LIMK1: variants seen among roughly 807,000 people sequenced by gnomAD.
LIMK1 encodes LIM motif-containing protein kinase.
LIMK1 carries 21 observed loss-of-function variants against 77.6 expected under a neutral mutation model. The ratio of observed to expected loss-of-function variants is 0.27; its 90% CI spans 0.19 to 0.39. The LOEUF is 0.39. Ranked by LOEUF, LIMK1 falls within the 10% of genes least tolerant of loss-of-function variation. LIMK1 has a pLI of 1.00. For synonymous variants in LIMK1, 358 were observed against 370.0 expected (o/e 0.97, Z 0.37); for missense variants, 696 against 901.6 (o/e 0.77, Z 2.92).
chr7:74,098,279 C>A (rs782368146), intron 4 of LIMK1, among the ~76,000 whole-genome samples: 3 of 152,138 alleles, frequency 2.0e-5, no homozygotes, highest in Non-Finnish European at 4.4e-5. Flanking sequence ...CAAAGATACC[C>A]CATTCCAAGG....
chr7:74,107,658 C>T (rs1432219781), intron 8 of LIMK1, among the ~76,000 whole-genome samples: 7 of 133,050 alleles, frequency 5.3e-5, no homozygotes, highest in Non-Finnish European at 7.9e-5. Context: ...CCAGCCTGGG[C>T]AATAGAGCAA....
chr7:74,108,001 G>T lies in LIMK1; in HGVS notation c.1152+44G>T, dbSNP rs376199939. 2.8e-5 allele frequency: 40 copies of T among 1,407,322 alleles called. No homozygotes were observed. In the African/African-American group the frequency reaches 4.7e-4, roughly 17 times the overall value. 87.2% of individuals were successfully genotyped at this position (1,407,322 alleles called of 1,614,324 possible). ...CTCTTCCCTCCAGAGGGACTTCCAG[G>T]TGCTCACCCCTGCCCCATCAACACA... On this transcript the variant is annotated intron_variant, in intron 9 of 15. Coordinates refer to ENST00000336180, the MANE Select transcript of LIMK1 (RefSeq NM_002314.4).
At chr7:74,086,982 G>A (rs1020989783) in intron 2 of LIMK1, among the ~76,000 whole-genome samples, 5 of 152,168 alleles carry the variant, frequency 3.3e-5, no homozygotes, top group Admixed American at 2.6e-4. Context: ...AGGATAAAGA[G>A]TACATGAGGA....
Position 74,115,769 on chromosome 7 carries a change from G to A in LIMK1, c.1411-33G>A, listed in dbSNP as rs781959328. On this transcript the variant is annotated intron_variant, in intron 12 of 15. Transcript: ENST00000336180. Reference sequence around the variant, plus strand: ...AGGCCAAGCGGGCAGTACTAGGATCGGGTCCCAGCATGACCCGGCTTCACC... The same window carrying A: ...AGGCCAAGCGGGCAGTACTAGGATCAGGTCCCAGCATGACCCGGCTTCACC... The A allele has an allele frequency of 8.7e-6, 14 of 1,608,360 alleles. No homozygotes were observed. In the African/African-American group the frequency reaches 1.1e-4, roughly 12 times the overall value.
At chr7:74,088,499 A>T (rs190472120) in intron 2 of LIMK1, among the ~76,000 whole-genome samples, 15 of 152,202 alleles carry the variant, frequency 9.9e-5, no homozygotes, top group South Asian at 2.1e-4. Context: ...GAATGCCAAG[A>T]TAAGGAGTTT....
chr7:74,093,357 A>G, intron 2 of LIMK1: 1 of 1,532,556 alleles, frequency 6.5e-7, no homozygotes, highest in Non-Finnish European at 8.7e-7. Context: ...CCCTGGTGTA[A>G]GGCCTGGGGC....
At chr7:74,084,096 C>A in intron 1 of LIMK1, 51 bp downstream of exon 1, 1 of 1,084,884 alleles carries the variant, frequency 9.2e-7, no homozygotes, top group East Asian at 3.2e-5. Flanking sequence ...GTGCCCGGGG[C>A]AGCGTGGGGC....
At chr7:74,094,539 G>A (rs1186479243) in intron 2 of LIMK1, among the ~76,000 whole-genome samples, 1 of 151,448 alleles carries the variant, frequency 6.6e-6, no homozygotes, top group Non-Finnish European at 1.5e-5. Context: ...CCCTGTGACC[G>A]AGGTCATGTG....
chr7:74,106,175 C>G lies in LIMK1; in HGVS notation c.813C>G (p.Ser271Arg), dbSNP rs1799570054. Residue 271 changes from serine (S) to arginine (R), a missense_variant, in exon 7 of 16, where the codon AGC (serine) becomes AGG (arginine). This residue lies in a region of LIMK1 where 438 missense variants were observed against 602.3 expected (regional missense o/e 0.73). Coordinates refer to ENST00000336180, the MANE Select transcript of LIMK1 (RefSeq NM_002314.4). Reference protein sequence around the residue: ...TLGHGLGPETSPLSSPAYTPS... With the variant: ...TLGHGLGPETRPLSSPAYTPS... ...GCCACGGGCTGGGGCCTGAGACCAG[C>G]CCCCTGAGCTCTCCGGCTTATACTC... 6.2e-7 allele frequency: 1 copy of G among 1,614,028 alleles called. No individual in the cohort carries two copies. The highest frequency in any genetic ancestry group is 8.5e-7 in the Non-Finnish European group (1 of 1,180,022).
rs1271763707 is a variant in LIMK1 at position 74,097,139 on chromosome 7, T to G, written c.351T>G (p.Phe117Leu). The change falls in exon 4 of 16, where the codon TTT becomes TTG. Residue 117 changes from phenylalanine (F) to leucine (L), a missense_variant. Physicochemically the swap from Phe to Leu is conservative, Grantham distance 22. Around this residue, in one of 3 missense-constraint regions of LIMK1, gnomAD observed 252 missense variants for 279.4 expected, o/e 0.90. Coordinates refer to ENST00000336180, the MANE Select transcript of LIMK1 (RefSeq NM_002314.4). ...TCATCTGCCTCACGTGTGGGACCTT[T>G]ATCGGTGACGGGGACACCTACACGC... ...ECFICLTCGT[F>L]IGDGDTYTLV... 6.2e-7 allele frequency: 1 copy of G among 1,613,456 alleles called. No homozygotes were observed. Among genetic ancestry groups the G allele is most frequent in the Non-Finnish European group, 8.5e-7 (1 of 1,179,944 alleles).
Position 74,097,097 on chromosome 7 carries a change from G to C in LIMK1, c.309G>C (p.Lys103Asn). Residue 103 changes from lysine to asparagine, a missense_variant, in exon 4 of 16, where the codon AAG becomes AAC. Transcript: ENST00000336180. The part of the protein sequence containing the change: ...KGLVMVAGEL[K>N]YHPECFICLT... ...CGCACCAGGTGGCTGGGGAGCTGAA[G>C]TACCACCCCGAGTGTTTCATCTGCC... 6.2e-7 allele frequency: 1 copy of C among 1,613,216 alleles called. No individual in the cohort carries two copies. The highest frequency in any genetic ancestry group is 8.5e-7 in the Non-Finnish European group (1 of 1,179,570).
At chr7:74,095,247 C>A (rs1799315605) in intron 2 of LIMK1, among the ~76,000 whole-genome samples, 2 of 152,118 alleles carry the variant, frequency 1.3e-5, no homozygotes, top group African/African-American at 2.4e-5. Context: ...GTTCTTCTGT[C>A]CCTGTGTGAC....
intron 12 of LIMK1, 59 bp downstream of exon 12, chr7:74,112,057 C>T: frequency 1.5e-6 from 2 of 1,374,162 alleles, no homozygotes; most frequent in Non-Finnish European, 2.0e-6. Flanking sequence ...CCATCCAACC[C>T]CAGCCTCAGG....
At chr7:74,120,858 C>T in intron 14 of LIMK1, 34 bp from the exon 15 acceptor site, 2 of 1,613,278 alleles carry the variant, frequency 1.2e-6, no homozygotes, top group East Asian at 2.2e-5. Flanking sequence ...GCTGAGGGCC[C>T]CCTGGAGTAA....
At chr7:74,089,578 G>A (rs1394858766) in intron 2 of LIMK1, among the ~76,000 whole-genome samples, 4 of 152,274 alleles carry the variant, frequency 2.6e-5, no homozygotes, top group Non-Finnish European at 5.9e-5. Flanking sequence ...TGGCAGGGTG[G>A]AACCTGAAGC....
chr7:74,118,900 T>C (rs1308686215), intron 13 of LIMK1, among the ~76,000 whole-genome samples: 3 of 152,100 alleles, frequency 2.0e-5, no homozygotes, highest in Non-Finnish European at 2.9e-5. Flanking sequence ...TTGTTTTTTG[T>C]TTTTTGTTTT....
chr7:74,113,725 T>A (rs1267197600), intron 12 of LIMK1, among the ~76,000 whole-genome samples: 1 of 151,934 alleles, frequency 6.6e-6, no homozygotes, highest in Non-Finnish European at 1.5e-5. Flanking sequence ...GGTCCCTCAA[T>A]AACCCATTAA....
intron 13 of LIMK1, 97 bp from the exon 14 acceptor site, chr7:74,120,486 C>A (rs1316165154): frequency 1.1e-5 from 15 of 1,356,526 alleles, no homozygotes; most frequent in Non-Finnish European, 1.5e-5. Context: ...CTGGACCTCC[C>A]GGCCGGGGCA....
chr7:74,106,924 C>A, intron 7 of LIMK1, 86 bp from the exon 8 acceptor site: 1 of 1,288,972 alleles, frequency 7.8e-7, no homozygotes, highest in Non-Finnish European at 1.1e-6. Context: ...TGGACAGGGG[C>A]ATGCAGGCAG....
Sources: gnomAD v4.1 joint callset for allele counts (sites outside exome capture counted in the v4.1 genomes callset) on GRCh38, gnomAD v4.1.1 for gene constraint, gnomAD v4.1.1 regional missense constraint, MANE v1.5 for transcripts, NCBI Gene and HGNC (gene_info 2026-07-23, HGNC 2026-07-21) for gene names.